Variants in ABITRAM observed in about 807,000 individuals in gnomAD.
ABITRAM encodes the protein actin binding transcription modulator.
Under a neutral mutation model 22.9 loss-of-function variants are expected in ABITRAM, and 19 were observed. That is an observed-to-expected ratio of 0.83 (90% confidence interval 0.58 to 1.22). The LOEUF is 1.22. Among genes scored for constraint, ABITRAM ranks in the 50% most tolerant of loss-of-function variants. ABITRAM has a pLI of 0.00. For synonymous variants in ABITRAM, 70 were observed against 73.9 expected (o/e 0.95, Z 0.27); for missense variants, 215 against 220.2 (o/e 0.98, Z 0.15).
chr9:108,935,722 AT>A lies in ABITRAM; in HGVS notation c.131+42del, dbSNP rs752472230. On this transcript the variant is annotated intron_variant, in intron 2 of 5. Coordinates refer to ENST00000322940, the MANE Select transcript of ABITRAM (RefSeq NM_017832.4). ...AATTGGGAATTTTAAATTATCAAAA[AT>A]TTTTTTTTCCTGGTATTGTAGCCTG... 1.1e-4 allele frequency: 175 copies of A among 1,550,660 alleles called. 1 individual carries two copies. Among genetic ancestry groups the A allele is most frequent in the South Asian group, 2.8e-4 (25 of 88,974 alleles).
At chr9:108,939,512 C>G in intron 5 of ABITRAM, 37 bp from the exon 6 acceptor site, 1 of 1,596,270 alleles carries the variant, frequency 6.3e-7, no homozygotes, top group Non-Finnish European at 8.5e-7. Flanking sequence ...GTTTTTTTTT[C>G]ATCGTTTGAC....
rs1454644519 is a variant in ABITRAM, at chr9:108,936,332, A to G, written c.156A>G (p.Glu52=). 6.2e-7 allele frequency: 1 copy of G among 1,613,768 alleles called. No individual in the cohort carries two copies. Among genetic ancestry groups the G allele is most frequent in the Non-Finnish European group, 8.5e-7 (1 of 1,179,952 alleles). The change falls in exon 3 of 6, where the codon GAA becomes GAG. Residue 52 remains glutamate, a synonymous_variant. Coordinates refer to ENST00000322940, the MANE Select transcript of ABITRAM (RefSeq NM_017832.4). ...SNRICVITLA[E]SHPVLQSGKT... is the part of the protein sequence containing the mutation. Reference sequence around the variant, plus strand: ...GAATATGTGTCATCACATTGGCAGAATCTCATCCAGTTCTTCAAAGTGGAA... The same window carrying G: ...GAATATGTGTCATCACATTGGCAGAGTCTCATCCAGTTCTTCAAAGTGGAA...
At chr9:108,936,468 T>G in intron 3 of ABITRAM, 31 bp downstream of exon 3, 1 of 1,606,030 alleles carries the variant, frequency 6.2e-7, no homozygotes, top group Non-Finnish European at 8.5e-7. Flanking sequence ...GATTATCTAC[T>G]TACATCCTCT....
chr9:108,944,913 C>A (rs1234472863), downstream of ABITRAM, among the ~76,000 whole-genome samples: 1 of 152,220 alleles, frequency 6.6e-6, no homozygotes, highest in African/African-American at 2.4e-5. Flanking sequence ...TACTTTGCAA[C>A]CTTCCCTTTA....
chr9:108,939,783 C>A lies in ABITRAM; in HGVS notation c.*97C>A. The A allele has an allele frequency of 1.4e-6, 2 of 1,422,776 alleles. No individual in the cohort carries two copies. Among genetic ancestry groups the A allele is most frequent in the South Asian group, 1.4e-5 (1 of 73,006 alleles). The allele number at this position is 1,422,776 out of a possible 1,614,324, so 88.1% of individuals were successfully genotyped here. A position where few individuals can be genotyped will look rare whatever the true frequency, so the allele number is the denominator to read the frequency against. On this transcript the variant is annotated 3_prime_UTR_variant, in exon 6 of 6. Coordinates refer to ENST00000322940, the MANE Select transcript of ABITRAM (RefSeq NM_017832.4). ...AAGAACCAGTATATGTAAAGCATAC[C>A]TAACAGCCAGCCATATGCAGGGGAG...
chr9:108,944,736 A>G (rs963265339), downstream of ABITRAM, among the ~76,000 whole-genome samples: 1 of 152,152 alleles, frequency 6.6e-6, no homozygotes, highest in Non-Finnish European at 1.5e-5. Context: ...AATGGAGAGA[A>G]CAGGGAAAAT....
intron 1 of ABITRAM, among the ~76,000 whole-genome samples, chr9:108,935,146 C>A (rs1830160395): frequency 6.6e-6 from 1 of 152,084 alleles, no homozygotes; most frequent in African/African-American, 2.4e-5. Context: ...TCCTTTCATT[C>A]AGTGATAATG....
At chr9:108,943,599 G>T, downstream of ABITRAM, 1 of 864,710 alleles carries the variant, frequency 1.2e-6, no homozygotes, top group Non-Finnish European at 1.7e-6. Context: ...ATGAAAAAAG[G>T]AAATAAATTG....
At chr9:108,943,805 A>G (rs749583352), downstream of ABITRAM, 11 of 1,613,590 alleles carry the variant, frequency 6.8e-6, no homozygotes, top group Middle Eastern at 1.7e-4. Flanking sequence ...TAAGCTTGTC[A>G]TCGTCTTTCA....
intron 3 of ABITRAM, chr9:108,948,120 A>G (rs1830457977): frequency 3.9e-6 from 6 of 1,539,210 alleles, no homozygotes; most frequent in Non-Finnish European, 5.4e-6. Flanking sequence ...AATCATCTGG[A>G]AAACATTTAT....
chr9:108,948,209 G>A (rs1830461219), intron 3 of ABITRAM: 1 of 1,611,888 alleles, frequency 6.2e-7, no homozygotes, highest in African/African-American at 1.3e-5. Context: ...ATTAAATCCT[G>A]GGAAGTTTTC....
At chr9:108,935,567 C>T in intron 1 of ABITRAM, 71 bp from the exon 2 acceptor site, 1 of 1,210,984 alleles carries the variant, frequency 8.3e-7, no homozygotes, top group Non-Finnish European at 1.2e-6. Flanking sequence ...AACTATATGA[C>T]CCAAAGAAAG....
chr9:108,934,451 TC>T lies in ABITRAM; in HGVS notation c.-33del. On this transcript the variant is annotated 5_prime_UTR_variant, in exon 1 of 6. Coordinates refer to ENST00000322940, the MANE Select transcript of ABITRAM (RefSeq NM_017832.4). ...GGGCTGCGCGGAGGAAGCGCTGGGGTCCCGGAGGGCGGGGGTGGCGGCGCCG... is the reference window on the plus strand; with the variant it reads ...GGGCTGCGCGGAGGAAGCGCTGGGGTCCGGAGGGCGGGGGTGGCGGCGCCG... The T allele has an allele frequency of 1.3e-6, 2 of 1,531,012 alleles. No homozygotes were observed. The highest frequency in any genetic ancestry group is 8.8e-7 in the Non-Finnish European group (1 of 1,137,748). The allele number at this position is 1,531,012 out of a possible 1,614,324, so 94.8% of individuals were successfully genotyped here.
chr9:108,941,938 A>G (rs1033499869), downstream of ABITRAM, among the ~76,000 whole-genome samples: 1 of 152,218 alleles, frequency 6.6e-6, no homozygotes, highest in African/African-American at 2.4e-5. Context: ...TTTGTTTTAT[A>G]GTGAACATTT....
rs1394638060 is a variant in ABITRAM at position 108,940,490 on chromosome 9, G to A, written c.*804G>A. ...TCTCCCTTTTAGGTTGTAGGGAAGA[G>A]GCCGGAGTGTAGAGTATATTATATC... On this transcript the variant is annotated 3_prime_UTR_variant, in exon 6 of 6. Transcript: ENST00000322940. The A allele has an allele frequency of 6.6e-6, 1 of 152,144 alleles. No individual in the cohort carries two copies. Among genetic ancestry groups the A allele is most frequent in the Non-Finnish European group, 1.5e-5 (1 of 68,044 alleles). The allele number at this position is 152,144 out of a possible 1,614,324, so 9.4% of individuals were successfully genotyped here.
chr9:108,944,596 G>A (rs1186904179), downstream of ABITRAM, among the ~76,000 whole-genome samples: 1 of 152,130 alleles, frequency 6.6e-6, no homozygotes, highest in Admixed American at 6.5e-5. Context: ...GAAGTAGAGT[G>A]AAAAAGAAGG....
intron 3 of ABITRAM, among the ~76,000 whole-genome samples, chr9:108,949,495 G>T (rs1003600756): frequency 2.0e-5 from 3 of 152,178 alleles, no homozygotes; most frequent in African/African-American, 7.2e-5. Context: ...ATCACTTGAG[G>T]TCAGGAGTTT....
chr9:108,937,841 T>C (rs1280044222), intron 3 of ABITRAM, among the ~76,000 whole-genome samples: 2 of 151,866 alleles, frequency 1.3e-5, no homozygotes, highest in African/African-American at 2.4e-5. Context: ...AAAAAAATTT[T>C]TTTTTAATTA....
At chr9:108,949,193 G>T (rs1033832861) in intron 3 of ABITRAM, among the ~76,000 whole-genome samples, 9 of 152,076 alleles carry the variant, frequency 5.9e-5, no homozygotes, top group Non-Finnish European at 7.4e-5. Flanking sequence ...ATCTATTACA[G>T]AAAAATCCAT....
Sources: allele counts gnomAD v4.1 joint callset (sites outside exome capture counted in the v4.1 genomes callset), GRCh38; gene constraint gnomAD v4.1.1; transcripts MANE v1.5; gene names NCBI Gene and HGNC (gene_info 2026-07-23, HGNC 2026-07-21).